The following RBFOX2 variants were observed in gnomAD, a reference collection of about 807,000 sequenced individuals.
RBFOX2 encodes RNA binding fox-1 homolog 2, also known as RNA binding protein fox-1 homolog 2.
A neutral mutation model predicts 49.1 loss-of-function variants in RBFOX2; 10 were observed. The observed-to-expected ratio is 0.20, with a 90% CI of 0.13 to 0.35. RBFOX2 has a LOEUF of 0.35. Ranked by LOEUF, RBFOX2 falls within the 10% of genes least tolerant of loss-of-function variation. The pLI, the probability that RBFOX2 is intolerant of heterozygous loss-of-function variation, is 1.00. For synonymous variants in RBFOX2, 183 were observed against 187.4 expected (o/e 0.98, Z 0.19); for missense variants, 323 against 486.9 (o/e 0.66, Z 3.17).
At chr22:36,028,497 C>G (rs1379423401) in exon 1 of RBFOX2, 2 of 1,075,536 alleles carry the variant, frequency 1.9e-6, no homozygotes, top group Non-Finnish European at 2.2e-6. Flanking sequence ...GCCTCGGCCC[C>G]GACTGTCGCG....
intron 11 of RBFOX2, 81 bp downstream of exon 13, chr22:35,745,842 A>G: frequency 7.2e-7 from 1 of 1,388,192 alleles, no homozygotes; most frequent in African/African-American, 1.4e-5. Context: ...TGAATTTACT[A>G]CCTCCCTAGA....
Position 35,768,406 on chromosome 22 carries a change from T to A in RBFOX2, c.454-57A>T, listed in dbSNP as rs1425052332. 7 of 1,435,554 alleles carry A rather than the reference T, an allele frequency of 4.9e-6. No individual in the cohort carries two copies. The South Asian group carries it at 8.2e-5, about 17-fold the overall frequency. 88.9% of individuals were successfully genotyped at this position (1,435,554 alleles called of 1,614,324 possible). A position where few individuals can be genotyped will look rare whatever the true frequency, so the allele number is the denominator to read the frequency against. ...GCACATCGTTATATTGAAATACTGATCTCTTGGTAAATAGAGAAAAAATAT... is the reference window on the plus strand; with the variant it reads ...GCACATCGTTATATTGAAATACTGAACTCTTGGTAAATAGAGAAAAAATAT... On this transcript the variant is annotated intron_variant, in intron 4 of 11. Transcript: ENST00000405409.
chr22:35,806,127 A>G (rs1415099516), intron 2 of RBFOX2, among the ~76,000 whole-genome samples: 1 of 152,184 alleles, frequency 6.6e-6, no homozygotes, highest in East Asian at 1.9e-4. Context: ...AACAGACTTT[A>G]GGTGATAAAG....
intron 1 of RBFOX2, among the ~76,000 whole-genome samples, chr22:35,923,545 A>G (rs1051915204): frequency 8.5e-5 from 13 of 152,100 alleles, no homozygotes; most frequent in African/African-American, 2.9e-4. Context: ...CTAACTTCCA[A>G]ATCTTTTCTA....
chr22:35,947,672 T>TA (rs559788717), intron 1 of RBFOX2, among the ~76,000 whole-genome samples: 853 of 34,104 alleles, frequency 0.025, 10 homozygotes, highest in East Asian at 0.08. Flanking sequence ...GTTTAAAAAG[T>TA]AAAAAAAAAA....
chr22:35,933,670 G>A (rs554995638), intron 1 of RBFOX2, among the ~76,000 whole-genome samples: 1 of 152,174 alleles, frequency 6.6e-6, no homozygotes, highest in South Asian at 2.1e-4. Context: ...AGTCTTCCCT[G>A]TGGTTGATTA....
intron 1 of RBFOX2, among the ~76,000 whole-genome samples, chr22:35,871,578 A>G (rs532980828): frequency 1.6e-4 from 25 of 152,328 alleles, no homozygotes; most frequent in Admixed American, 3.9e-4. Flanking sequence ...GCTTAATCTG[A>G]GCTGTTCTTA....
intron 1 of RBFOX2, among the ~76,000 whole-genome samples, chr22:35,848,820 A>C (rs533847352): frequency 6.6e-6 from 1 of 152,324 alleles, no homozygotes; most frequent in Non-Finnish European, 1.5e-5. Flanking sequence ...ATTTCAAAAA[A>C]TCATGATAGC....
At chr22:35,835,782 A>C (rs1041947767) in intron 1 of RBFOX2, among the ~76,000 whole-genome samples, 4 of 152,220 alleles carry the variant, frequency 2.6e-5, no homozygotes, top group African/African-American at 9.7e-5. Context: ...TCATAGCTTC[A>C]TTTATGAAAT....
chr22:35,794,044 A>C (rs1295212413), intron 2 of RBFOX2, among the ~76,000 whole-genome samples: 1 of 152,228 alleles, frequency 6.6e-6, no homozygotes, highest in African/African-American at 2.4e-5. Context: ...AAATAGTGAC[A>C]TGCACACAGA....
chr22:35,805,539 G>C (rs1950582904), intron 2 of RBFOX2, among the ~76,000 whole-genome samples: 1 of 152,064 alleles, frequency 6.6e-6, no homozygotes, highest in Non-Finnish European at 1.5e-5. Context: ...ATGCAAAACG[G>C]TAGAGCCACT....
At chr22:35,901,543 C>T (rs2048574185) in intron 1 of RBFOX2, among the ~76,000 whole-genome samples, 2 of 152,104 alleles carry the variant, frequency 1.3e-5, no homozygotes, top group Admixed American at 1.3e-4. Flanking sequence ...TTGGTGTACA[C>T]ATACTGTACT....
intron 1 of RBFOX2, among the ~76,000 whole-genome samples, chr22:35,950,804 CTAT>C (rs2054827592): frequency 6.6e-6 from 1 of 151,954 alleles, no homozygotes; most frequent in South Asian, 2.1e-4. Context: ...TGCTTAGCTG[CTAT>C]TATACTAATT....
At chr22:35,838,731 T>C (rs1958161166) in intron 1 of RBFOX2, among the ~76,000 whole-genome samples, 1 of 152,212 alleles carries the variant, frequency 6.6e-6, no homozygotes, top group Non-Finnish European at 1.5e-5. Flanking sequence ...GTAATTAGAC[T>C]GATGATGAGG....
chr22:35,937,777 G>C (rs1262028932), intron 1 of RBFOX2, among the ~76,000 whole-genome samples: 1 of 152,046 alleles, frequency 6.6e-6, no homozygotes, highest in Non-Finnish European at 1.5e-5. Context: ...TTTTAGTAGA[G>C]CCGGGGTTTC....
chr22:35,742,232 G>T (rs1300002231), exon 12 of RBFOX2: 1 of 152,188 alleles, frequency 6.6e-6, no homozygotes, highest in Non-Finnish European at 1.5e-5. Flanking sequence ...CCTCCCCAGA[G>T]TCAGTAATAA....
At chr22:35,862,571 T>C (rs1334218772) in intron 1 of RBFOX2, among the ~76,000 whole-genome samples, 1 of 152,120 alleles carries the variant, frequency 6.6e-6, no homozygotes, top group Non-Finnish European at 1.5e-5. Context: ...CGTTTCTGTC[T>C]CTCCCACTTC....
chr22:35,965,314 C>T (rs969610255), upstream of RBFOX2, among the ~76,000 whole-genome samples: 2 of 152,108 alleles, frequency 1.3e-5, no homozygotes, highest in African/African-American at 2.4e-5. Flanking sequence ...TAAGAGAAGG[C>T]AAGGCAACAT....
intron 2 of RBFOX2, among the ~76,000 whole-genome samples, chr22:35,788,085 G>A (rs1031884973): frequency 6.6e-6 from 1 of 152,220 alleles, no homozygotes; most frequent in East Asian, 1.9e-4. Flanking sequence ...CTAGAAATGA[G>A]GACTACAAAT....
Sources: allele counts gnomAD v4.1 joint callset (sites outside exome capture counted in the v4.1 genomes callset), GRCh38; gene constraint gnomAD v4.1.1; transcripts MANE v1.5; gene names NCBI Gene and HGNC (gene_info 2026-07-23, HGNC 2026-07-21).